The following CFAP96 variants were observed in gnomAD, a reference collection of about 807,000 sequenced individuals.
The protein encoded by CFAP96 is cilia and flagella associated protein 96.
the CFAP96 span, chr4:185,422,595 T>C: frequency 6.8e-7 from 1 of 1,464,970 alleles, no homozygotes; most frequent in African/African-American, 1.4e-5. Flanking sequence ...ACAAACTCCC[T>C]TGTAAAACAA....
At chr4:185,416,833 A>G in the CFAP96 span, among the ~76,000 whole-genome samples, 22 of 152,344 alleles carry the variant, frequency 1.4e-4, no homozygotes, top group African/African-American at 5.3e-4. Context: ...GTACCAGATT[A>G]TAAACCACTG....
At chr4:185,443,333 TATATA>T in the CFAP96 span, among the ~76,000 whole-genome samples, 929 of 34,938 alleles carry the variant, frequency 0.027, 30 homozygotes, top group Admixed American at 0.16. Flanking sequence ...TATATATATA[TATATA>T]TATATTTTTT....
chr4:185,423,608 T>A, the CFAP96 span, among the ~76,000 whole-genome samples: 2 of 152,186 alleles, frequency 1.3e-5, no homozygotes, highest in African/African-American at 4.8e-5. Flanking sequence ...ATCATGTTTT[T>A]GCTGAAAATT....
At chr4:185,433,681 C>A in the CFAP96 span, among the ~76,000 whole-genome samples, 1 of 151,416 alleles carries the variant, frequency 6.6e-6, no homozygotes, top group Non-Finnish European at 1.5e-5. Context: ...GCGGGCGGAT[C>A]ACCTGAGGTC....
chr4:185,411,132 T>TTA, the CFAP96 span, among the ~76,000 whole-genome samples: 46 of 149,114 alleles, frequency 3.1e-4, no homozygotes, highest in Non-Finnish European at 5.9e-4. Context: ...TTTTTTTTTT[T>TTA]AAAAGACACA....
chr4:185,415,110 GAT>G, the CFAP96 span: 9 of 1,421,242 alleles, frequency 6.3e-6, no homozygotes, highest in Admixed American at 1.8e-4. Context: ...CAAAATGAAT[GAT>G]AGTCATTATT....
the CFAP96 span, among the ~76,000 whole-genome samples, chr4:185,431,824 C>T: frequency 6.6e-6 from 1 of 152,294 alleles, no homozygotes; most frequent in African/African-American, 2.4e-5. Context: ...TCAAGATAGC[C>T]ATTCACACAG....
the CFAP96 span, chr4:185,418,416 T>C: frequency 3.7e-5 from 58 of 1,556,062 alleles, no homozygotes; most frequent in Non-Finnish European, 5.0e-5. Flanking sequence ...TTTTTATCAG[T>C]ACAGAAGACA....
At chr4:185,417,333 A>G in the CFAP96 span, among the ~76,000 whole-genome samples, 2 of 152,186 alleles carry the variant, frequency 1.3e-5, no homozygotes, top group African/African-American at 4.8e-5. Flanking sequence ...CCAGCCCACA[A>G]TTATTTTATG....
the CFAP96 span, among the ~76,000 whole-genome samples, chr4:185,408,946 T>C: frequency 5.8e-3 from 888 of 152,298 alleles, 5 homozygotes; most frequent in African/African-American, 0.02. Flanking sequence ...TTTCAAAGTA[T>C]ATCATGACTT....
chr4:185,435,919 A>G, the CFAP96 span: 8 of 678,196 alleles, frequency 1.2e-5, no homozygotes, highest in East Asian at 2.4e-4. Flanking sequence ...AATGAGGAAA[A>G]TGAAATTAGA....
At chr4:185,421,130 A>G in the CFAP96 span, among the ~76,000 whole-genome samples, 5 of 152,156 alleles carry the variant, frequency 3.3e-5, no homozygotes, top group Non-Finnish European at 7.4e-5. Flanking sequence ...AAGCTGACTG[A>G]TGCCTGGGTC....
the CFAP96 span, chr4:185,429,449 T>C: frequency 1.9e-6 from 3 of 1,538,700 alleles, no homozygotes; most frequent in Non-Finnish European, 2.6e-6. Flanking sequence ...ATGGAAAGGA[T>C]TGGCCTCTTT....
chr4:185,443,340 A>ATTTTTT, the CFAP96 span, among the ~76,000 whole-genome samples: 167 of 28,436 alleles, frequency 5.9e-3, no homozygotes, highest in African/African-American at 0.015. Context: ...ATATATATAT[A>ATTTTTT]TATTTTTTTT....
the CFAP96 span, among the ~76,000 whole-genome samples, chr4:185,443,342 A>ATATATTTTTTTTTTT: frequency 3.0e-4 from 8 of 26,726 alleles, no homozygotes; most frequent in African/African-American, 8.1e-4. Flanking sequence ...ATATATATAT[A>ATATATTTTTTTTTTT]TTTTTTTTTT....
At chr4:185,423,101 C>T in the CFAP96 span, among the ~76,000 whole-genome samples, 3,153 of 152,270 alleles carry the variant, frequency 0.021, 42 homozygotes, top group Non-Finnish European at 0.033. Context: ...TCAAGTGATC[C>T]GCCTGTCTCG....
chr4:185,424,058 T>C, the CFAP96 span, among the ~76,000 whole-genome samples: 4 of 151,292 alleles, frequency 2.6e-5, no homozygotes, highest in Admixed American at 2.6e-4. Flanking sequence ...CCCAACACTT[T>C]GGGAGGCAGA....
At chr4:185,419,090 C>T in the CFAP96 span, among the ~76,000 whole-genome samples, 1 of 152,106 alleles carries the variant, frequency 6.6e-6, no homozygotes, top group African/African-American at 2.4e-5. Flanking sequence ...TCTCATTCCC[C>T]CTACTTTTCT....
chr4:185,418,758 T>C, the CFAP96 span: 2 of 1,583,954 alleles, frequency 1.3e-6, no homozygotes, highest in Middle Eastern at 1.7e-4. Context: ...CAGTGCCTTC[T>C]TGAGAAAAAT....
Sources: gnomAD v4.1 joint callset for allele counts (sites outside exome capture counted in the v4.1 genomes callset) on GRCh38, gnomAD v4.1.1 for gene constraint, MANE v1.5 for transcripts, NCBI Gene and HGNC (gene_info 2026-07-23, HGNC 2026-07-21) for gene names.